The following LRP1 variants were observed in gnomAD, a reference collection of about 807,000 sequenced individuals.
LRP1 encodes LDL receptor related protein 1.
In LRP1, 51 loss-of-function variants were observed where a neutral mutation model predicts 541.5. That is an observed-to-expected ratio of 0.09 (90% CI 0.08 to 0.12). The LOEUF (loss-of-function observed/expected upper bound fraction) is 0.12. Ranked by LOEUF, LRP1 falls within the 10% of genes least tolerant of loss-of-function variation. LRP1 has a pLI of 1.00. For synonymous variants in LRP1, 2,219 were observed against 2,470.8 expected (o/e 0.90, Z 3.02); for missense variants, 3,878 against 6,376.2 (o/e 0.61, Z 13.34).
intron 6 of LRP1, chr12:57,148,958 C>T (rs187470453): frequency 1.7e-6 from 1 of 605,474 alleles, no homozygotes; most frequent in Non-Finnish European, 3.0e-6. Context: ...CTCTCCCTTT[C>T]TTTTATTTAT....
At chr12:57,160,832 C>G in intron 12 of LRP1, 61 bp from the exon 13 acceptor site, 1 of 1,342,672 alleles carries the variant, frequency 7.4e-7, no homozygotes, top group Non-Finnish European at 1.1e-6. Flanking sequence ...GGATTGGGAT[C>G]ACAGGGGAGG....
chr12:57,212,711 G>T lies in LRP1; in HGVS notation c.*156G>T. On this transcript the variant is annotated 3_prime_UTR_variant, in exon 89 of 89. Transcript: ENST00000243077. This position sits in a 1 kb window ranked among gnomAD's most constrained non-coding sequence, Gnocchi z 5.0. ...ATTTTATATGTGAGCGAGCAAGCCG[G>T]CAAGCGAGCACAGTATTATTTCTCC... is the stretch of plus-strand genomic sequence containing the variant. The T allele has an allele frequency of 1.3e-6, 1 of 791,302 alleles. No individual in the cohort carries two copies. Among genetic ancestry groups the T allele is most frequent in the Non-Finnish European group, 1.9e-6 (1 of 516,420 alleles). The allele number at this position is 791,302 out of a possible 1,614,324, so 49.0% of individuals were successfully genotyped here. A position where few individuals can be genotyped will look rare whatever the true frequency, so the allele number is the denominator to read the frequency against.
chr12:57,154,109 G>A lies in LRP1; in HGVS notation c.842-99G>A, dbSNP rs1459255100. 3 of 1,141,434 alleles carry A rather than the reference G, an allele frequency of 2.6e-6. No homozygotes were observed. The highest frequency in any genetic ancestry group is 2.8e-5 in the South Asian group (2 of 72,122). 70.7% of individuals were successfully genotyped at this position (1,141,434 alleles called of 1,614,324 possible). The stretch of plus-strand genomic sequence containing the variant: ...GGTGTTGGGTGGGAGGGCGTCCAGA[G>A]AAGGTGGGCTTCCAGGTGTGGGTTC... On this transcript the variant is annotated intron_variant, in intron 6 of 88. Transcript: ENST00000243077. The surrounding 1 kb of genome is among the most constrained non-coding windows in gnomAD (Gnocchi z 4.6).
In LRP1 at chr12:57,208,234, G is replaced by T; in HGVS notation, c.12038+18G>T. 6.2e-7 allele frequency: 1 copy of T among 1,609,732 alleles called. No individual in the cohort carries two copies. Among genetic ancestry groups the T allele is most frequent in the Non-Finnish European group, 8.5e-7 (1 of 1,178,042 alleles). ...CTGAGGGGGTGGGCAAGGGCCCTGG[G>T]GGGAGGCCTCTGGGCTGGTGGTAGG... On this transcript the variant is annotated intron_variant, in intron 77 of 88. Coordinates refer to ENST00000243077, the MANE Select transcript of LRP1 (RefSeq NM_002332.3).
chr12:57,129,102 G>A, intron 1 of LRP1, 71 bp downstream of exon 1: 1 of 1,448,806 alleles, frequency 6.9e-7, no homozygotes, highest in Non-Finnish European at 9.5e-7. Flanking sequence ...CCTGCATACG[G>A]ATGGGGAAGG....
In LRP1 at chr12:57,176,076, A is replaced by G. The variant is rs2036041155; in HGVS notation, c.3961A>G (p.Ile1321Val). ...LYWTDVVEDK[I>V]YRGKLLDNGA... ...CTGGACCGACGTGGTGGAGGACAAGATCTACCGCGGGAAGCTGCTGGACAA... is the reference window on the plus strand; with the variant it reads ...CTGGACCGACGTGGTGGAGGACAAGGTCTACCGCGGGAAGCTGCTGGACAA... Residue 1321 changes from isoleucine to valine, a missense_variant, in exon 24 of 89, where the codon ATC becomes GTC. Transcript: ENST00000243077. 1.2e-6 allele frequency: 2 copies of G among 1,614,166 alleles called. No individual in the cohort carries two copies. Among genetic ancestry groups the G allele is most frequent in the Non-Finnish European group, 1.7e-6 (2 of 1,180,044 alleles).
intron 13 of LRP1, 63 bp downstream of exon 13, chr12:57,161,178 G>A: frequency 6.6e-7 from 1 of 1,523,214 alleles, no homozygotes; most frequent in South Asian, 1.2e-5. Context: ...CTTGGGCGTG[G>A]ATGAGGTTCT....
At position 57,183,497 on chromosome 12, in the gene LRP1, C is replaced by T. The variant is rs772420778; in HGVS notation, c.5781C>T (p.Ile1927=). ...PVSGTSLAVG[I]DFHAENDTIY... is the part of the protein sequence containing the mutation. ...CCGGGACCTCGCTGGCTGTCGGCAT[C>T]GACTTCCACGCTGGTGAGCCATTTG... Residue 1927 remains isoleucine (I), a synonymous_variant, in exon 35 of 89, where the codon ATC becomes ATT. Transcript: ENST00000243077. This position sits in a 1 kb window ranked among gnomAD's most constrained non-coding sequence, Gnocchi z 6.1. The T allele has an allele frequency of 4.4e-5, 71 of 1,613,458 alleles. No individual in the cohort carries two copies. The Admixed American group carries it at 1.1e-3, about 25-fold the overall frequency.
intron 24 of LRP1, 124 bp from the exon 25 acceptor site, chr12:57,176,917 C>T: frequency 1.3e-6 from 1 of 765,920 alleles, no homozygotes; most frequent in Non-Finnish European, 2.2e-6. Context: ...TGAATATGGG[C>T]ACATCAGAAA....
intron 8 of LRP1, among the ~76,000 whole-genome samples, 189 bp from the exon 9 acceptor site, chr12:57,155,905 C>T (rs549635898): frequency 5.9e-5 from 9 of 152,224 alleles, no homozygotes; most frequent in African/African-American, 2.2e-4. Context: ...GAGCCGTGAT[C>T]GTGCCATTGC....
chr12:57,206,584 G>A lies in LRP1; in HGVS notation c.11702G>A (p.Arg3901His), dbSNP rs1320296427. 1 of 1,614,180 alleles carries A rather than the reference G, an allele frequency of 6.2e-7. No homozygotes were observed. Among genetic ancestry groups the A allele is most frequent in the East Asian group, 2.2e-5 (1 of 44,884 alleles). Residue 3901 changes from arginine to histidine, a missense_variant, in exon 76 of 89, where the codon CGC (arginine) becomes CAC (histidine). By Grantham distance (29) the Arg-to-His change is conservative (BLOSUM62 0). Around this residue, in one of 13 missense-constraint regions of LRP1, gnomAD observed 871 missense variants for 1,212.4 expected, o/e 0.72. Coordinates refer to ENST00000243077, the MANE Select transcript of LRP1 (RefSeq NM_002332.3). This position sits in a 1 kb window ranked among gnomAD's most constrained non-coding sequence, Gnocchi z 4.7. ...EQAFQGDESV[R>H]IDAMDVHVKA... ...GCATTCCAGGGTGACGAGAGTGTCC[G>A]CATTGATGCTATGGATGTCCATGTC...
Position 57,189,927 on chromosome 12 carries a change from T to C in LRP1, c.7032-878T>C, listed in dbSNP as rs550433095. Reference sequence around the variant, plus strand: ...CCAATGCCGGTGGTCCAAGGACCACTCTGTCACACCCAGGGTAGTGCATGA... The same window carrying C: ...CCAATGCCGGTGGTCCAAGGACCACCCTGTCACACCCAGGGTAGTGCATGA... On this transcript the variant is annotated intron_variant, in intron 42 of 88. Coordinates refer to ENST00000243077, the MANE Select transcript of LRP1 (RefSeq NM_002332.3). This position sits in a 1 kb window ranked among gnomAD's most constrained non-coding sequence, Gnocchi z 4.4. Among the ~76,000 whole-genome samples, 42 of 152,090 alleles carry C rather than the reference T, an allele frequency of 2.8e-4. No homozygotes were observed. The highest frequency in any genetic ancestry group is 5.6e-4 in the Non-Finnish European group (38 of 68,008).
In LRP1 at chr12:57,179,638, C is replaced by T. The variant is rs759847630; in HGVS notation, c.4966+82C>T. 29 of 1,443,596 alleles carry T rather than the reference C, an allele frequency of 2.0e-5. No homozygotes were observed. Among genetic ancestry groups the T allele is most frequent in the Admixed American group, 1.0e-4 (6 of 58,830 alleles). The allele number at this position is 1,443,596 out of a possible 1,614,324, so 89.4% of individuals were successfully genotyped here. The stretch of plus-strand genomic sequence containing the variant: ...GCTCCCAACCCTGGTCTACTTGGTC[C>T]GAGTGGTCCTTCTCCCAGTCCTGTT... On this transcript the variant is annotated intron_variant, in intron 29 of 88. Coordinates refer to ENST00000243077, the MANE Select transcript of LRP1 (RefSeq NM_002332.3). This position sits in a 1 kb window ranked among gnomAD's most constrained non-coding sequence, Gnocchi z 6.8.
Position 57,205,411 on chromosome 12 carries a change from T to C in LRP1, c.11396T>C (p.Val3799Ala). 1 of 1,608,958 alleles carries C rather than the reference T, an allele frequency of 6.2e-7. No individual in the cohort carries two copies. The highest frequency in any genetic ancestry group is 8.5e-7 in the Non-Finnish European group (1 of 1,179,646). Residue 3799 changes from valine (V) to alanine (A), a missense_variant, in exon 74 of 89, where the codon GTG (valine) becomes GCG (alanine). By Grantham distance (64) the Val-to-Ala change is moderately conservative. Around this residue, in one of 13 missense-constraint regions of LRP1, gnomAD observed 871 missense variants for 1,212.4 expected, o/e 0.72. Transcript: ENST00000243077. This position sits in a 1 kb window ranked among gnomAD's most constrained non-coding sequence, Gnocchi z 4.6. ...ATCTGTGGGGACGAGGCACGCTGCG[T>C]GCGCACCGAGAAAGCGGCCTACTGT... ...ASICGDEARCVRTEKAAYCAC... is the reference protein window; with the variant it reads ...ASICGDEARCARTEKAAYCAC...
rs148507374 is a variant in LRP1 at position 57,195,498 on chromosome 12, G to A, written c.8437+99G>A. The A allele has an allele frequency of 1.3e-5, 20 of 1,571,542 alleles. No individual in the cohort carries two copies. In the African/African-American group the frequency reaches 1.5e-4, roughly 12 times the overall value. On this transcript the variant is annotated intron_variant, in intron 52 of 88. Transcript: ENST00000243077. ...GGTGCAGGAGAGGAAATGCCTCAGCGGGGTCCACTGGGGGCGGAGCCATAG... is the reference window on the plus strand; with the variant it reads ...GGTGCAGGAGAGGAAATGCCTCAGCAGGGTCCACTGGGGGCGGAGCCATAG...
chr12:57,169,134 C>T lies in LRP1; in HGVS notation c.2996-6C>T, dbSNP rs772334374. The T allele has an allele frequency of 1.8e-5, 29 of 1,596,628 alleles. No individual in the cohort carries two copies. The highest frequency in any genetic ancestry group is 6.6e-5 in the South Asian group (6 of 90,450). ...TTTGCCTCTCCCCTTCTTCCCCCAC[C>T]GCCAGACAATGACTGTGGGGACAAC... is the stretch of plus-strand genomic sequence containing the variant. On this transcript the variant is annotated splice_polypyrimidine_tract_variant and splice_region_variant and intron_variant, in intron 19 of 88. Coordinates refer to ENST00000243077, the MANE Select transcript of LRP1 (RefSeq NM_002332.3).
chr12:57,139,621 A>G (rs2035245154), intron 2 of LRP1, among the ~76,000 whole-genome samples: 1 of 152,106 alleles, frequency 6.6e-6, no homozygotes, highest in Non-Finnish European at 1.5e-5. Flanking sequence ...TATATGCATT[A>G]CCACTCTGTT....
At chr12:57,153,592 A>T (rs1555181919) in intron 6 of LRP1, among the ~76,000 whole-genome samples, 1 of 152,202 alleles carries the variant, frequency 6.6e-6, no homozygotes, top group Non-Finnish European at 1.5e-5. Context: ...AGGACATTGC[A>T]GGAACAGGGG....
At position 57,154,204 on chromosome 12, in the gene LRP1, C is replaced by G. The variant is rs756947302; in HGVS notation, c.842-4C>G. 3.7e-6 allele frequency: 6 copies of G among 1,613,036 alleles called. No homozygotes were observed. The highest frequency in any genetic ancestry group is 5.1e-6 in the Non-Finnish European group (6 of 1,179,268). On this transcript the variant is annotated splice_region_variant and splice_polypyrimidine_tract_variant and intron_variant, in intron 6 of 88. Coordinates refer to ENST00000243077, the MANE Select transcript of LRP1 (RefSeq NM_002332.3). The surrounding 1 kb of genome is among the most constrained non-coding windows in gnomAD (Gnocchi z 4.6). ...CCCATGGCTCTTTCATTCGTACTCT[C>G]CAGACGTGGAACAGATGGCCATCGA...
Sources: gnomAD v4.1 joint callset for allele counts (sites outside exome capture counted in the v4.1 genomes callset) on GRCh38, gnomAD v4.1.1 for gene constraint, gnomAD v4.1.1 regional missense constraint, Gnocchi (gnomAD v3.1) non-coding constraint, MANE v1.5 for transcripts, NCBI Gene and HGNC (gene_info 2026-07-23, HGNC 2026-07-21) for gene names.